The following TMEM72 variants were observed in gnomAD, a reference collection of about 807,000 sequenced individuals.
TMEM72 encodes the protein transmembrane protein 72.
TMEM72 carries 9 observed loss-of-function variants against 16.3 expected under a neutral mutation model. That is an observed-to-expected ratio of 0.55 (90% CI 0.33 to 0.96). TMEM72 has a LOEUF of 0.96. TMEM72 is among the 40% of genes least tolerant of loss of function. TMEM72 has a pLI of 0.03. For missense variants in TMEM72, 324 were observed against 337.8 expected (o/e 0.96, Z 0.32); for synonymous variants, 160 against 146.5 (o/e 1.09, Z -0.66).
At chr10:44,921,406 C>T (rs1432503372) in intron 1 of TMEM72, among the ~76,000 whole-genome samples, 2 of 152,172 alleles carry the variant, frequency 1.3e-5, no homozygotes, top group African/African-American at 4.8e-5. Flanking sequence ...TTCCCTTGCC[C>T]CTCCACCTGG....
intron 1 of TMEM72, among the ~76,000 whole-genome samples, chr10:44,921,104 C>T (rs1343330578): frequency 2.6e-5 from 4 of 152,136 alleles, no homozygotes; most frequent in African/African-American, 9.7e-5. Flanking sequence ...AGTTCTTGTA[C>T]CAAGGTTGGA....
Position 44,934,713 on chromosome 10 carries a change from G to A in TMEM72, c.407G>A (p.Arg136Lys), listed in dbSNP as rs776944239. The change falls in exon 5 of 5, where the codon AGG (arginine) becomes AAG (lysine). Residue 136 changes from arginine (R) to lysine (K), a missense_variant. Transcript: ENST00000389583. ...AYFLLSKRKK[R>K]KAAPEVLASP... ...TTCCTTCTGAGCAAGCGGAAGAAGA[G>A]GAAAGCTGCCCCCGAGGTGCTGGCC... 3.1e-6 allele frequency: 5 copies of A among 1,609,828 alleles called. No homozygotes were observed. In the South Asian group the frequency reaches 3.3e-5, roughly 11 times the overall value.
At chr10:44,928,112 A>G in intron 2 of TMEM72, 125 bp downstream of exon 2, 1 of 1,078,386 alleles carries the variant, frequency 9.3e-7, no homozygotes, top group Non-Finnish European at 1.4e-6. Flanking sequence ...CTCAGGGGTG[A>G]AGGGAGTTGA....
intron 1 of TMEM72, among the ~76,000 whole-genome samples, chr10:44,925,008 G>C (rs921464116): frequency 3.9e-5 from 6 of 152,222 alleles, no homozygotes. Flanking sequence ...CAGGCACTAA[G>C]CCGTGCATTT....
Position 44,935,431 on chromosome 10 carries a change from G to C in TMEM72, c.*297G>C, listed in dbSNP as rs1327140732. On this transcript the variant is annotated 3_prime_UTR_variant, in exon 5 of 5. Transcript: ENST00000389583. ...GACCATCACTGCCACTGCGCACGAG[G>C]CTGCAGGTGCCATTGACTCAGCCCA... The C allele has an allele frequency of 2.9e-6, 1 of 346,514 alleles. No homozygotes were observed. Among genetic ancestry groups the C allele is most frequent in the East Asian group, 4.7e-5 (1 of 21,242 alleles). The allele number at this position is 346,514 out of a possible 1,614,324, so 21.5% of individuals were successfully genotyped here. A position where few individuals can be genotyped will look rare whatever the true frequency, so the allele number is the denominator to read the frequency against.
At chr10:44,927,017 C>G (rs768178624) in intron 1 of TMEM72, among the ~76,000 whole-genome samples, 5 of 152,094 alleles carry the variant, frequency 3.3e-5, no homozygotes, top group Admixed American at 1.3e-4. Flanking sequence ...CCCCAGGCAG[C>G]CAGGGATGAC....
chr10:44,932,009 C>G lies in TMEM72; in HGVS notation c.149C>G (p.Ala50Gly). The G allele has an allele frequency of 6.2e-7, 1 of 1,612,944 alleles. No individual in the cohort carries two copies. Among genetic ancestry groups the G allele is most frequent in the Middle Eastern group, 1.7e-4 (1 of 6,052 alleles). ...GTCTCCACCTGCAGGTTTACAGGAG[C>G]CGCTGTCTCCATATGTGAAGGGGCC... ...SLAFYLLFTG[A>G]AVSICEGAYF... The change falls in exon 3 of 5, where the codon GCC becomes GGC. Residue 50 changes from alanine to glycine, a missense_variant. By Grantham distance (60) the Ala-to-Gly change is moderately conservative. Transcript: ENST00000389583.
chr10:44,926,145 A>G (rs981787087), intron 1 of TMEM72, among the ~76,000 whole-genome samples: 1 of 151,990 alleles, frequency 6.6e-6, no homozygotes, highest in African/African-American at 2.4e-5. Flanking sequence ...ACACTCACAT[A>G]TATACTCACA....
intron 1 of TMEM72, among the ~76,000 whole-genome samples, chr10:44,922,195 G>A (rs1840110862): frequency 6.6e-6 from 1 of 152,204 alleles, no homozygotes; most frequent in South Asian, 2.1e-4. Context: ...AAAACAAGGA[G>A]TGGGCTGTCC....
intron 4 of TMEM72, 29 bp downstream of exon 4, chr10:44,933,805 C>T: frequency 6.3e-7 from 1 of 1,587,844 alleles, no homozygotes; most frequent in Non-Finnish European, 8.6e-7. Context: ...AGATATGCAG[C>T]CCCAGCACAG....
In TMEM72 at chr10:44,935,014, C is replaced by T. The variant is rs17417442; in HGVS notation, c.708C>T (p.Ala236=). The T allele has an allele frequency of 0.41, 662,728 of 1,613,734 alleles. 138,313 individuals are homozygous for T. Among genetic ancestry groups the T allele is most frequent in the Admixed American group, 0.48 (28,483 of 59,964 alleles). ...DNLVRIVPSL[A]EGLDDGDSEP... ...TGGTCCGCATAGTCCCCTCCCTCGCCGAAGGTCTGGATGATGGGGACAGTG... is the reference window on the plus strand; with the variant it reads ...TGGTCCGCATAGTCCCCTCCCTCGCTGAAGGTCTGGATGATGGGGACAGTG... Residue 236 remains alanine (A), a synonymous_variant, in exon 5 of 5, where the codon GCC becomes GCT. Transcript: ENST00000389583.
chr10:44,926,371 C>G (rs1184324590), intron 1 of TMEM72, among the ~76,000 whole-genome samples: 1 of 152,160 alleles, frequency 6.6e-6, no homozygotes, highest in African/African-American at 2.4e-5. Context: ...GTGAACTACA[C>G]AGGCCACTGA....
At chr10:44,920,857 G>A (rs985812244) in intron 1 of TMEM72, among the ~76,000 whole-genome samples, 1 of 152,224 alleles carries the variant, frequency 6.6e-6, no homozygotes, top group African/African-American at 2.4e-5. Context: ...GCAGGACTCA[G>A]CTTTTCTGAT....
intron 1 of TMEM72, 65 bp from the exon 2 acceptor site, chr10:44,927,856 C>G: frequency 1.3e-6 from 2 of 1,560,774 alleles, no homozygotes; most frequent in Non-Finnish European, 1.8e-6. Flanking sequence ...CCAAGGTACC[C>G]TCAACAGGGC....
At chr10:44,931,793 C>T (rs897372765) in intron 2 of TMEM72, 5 of 585,968 alleles carry the variant, frequency 8.5e-6, no homozygotes, top group African/African-American at 7.5e-5. Flanking sequence ...CATCTCTGAA[C>T]CCCAGACCCC....
rs1272783315 is a variant in TMEM72 at position 44,928,052 on chromosome 10, T to C, written c.137+65T>C. Reference sequence around the variant, plus strand: ...CTGCTCAACTCACCCTACATCTGTCTACTCAGAATAACTCAGAGCAGTCCC... The same window carrying C: ...CTGCTCAACTCACCCTACATCTGTCCACTCAGAATAACTCAGAGCAGTCCC... On this transcript the variant is annotated intron_variant, in intron 2 of 4. Transcript: ENST00000389583. The C allele has an allele frequency of 1.9e-6, 3 of 1,566,478 alleles. No homozygotes were observed. In the South Asian group the frequency reaches 3.3e-5, roughly 17 times the overall value.
intron 1 of TMEM72, among the ~76,000 whole-genome samples, chr10:44,926,947 G>T (rs1345254036): frequency 6.6e-6 from 1 of 152,144 alleles, no homozygotes. Flanking sequence ...TCTCTGCCAG[G>T]GAAGAGGAAG....
Position 44,936,542 on chromosome 10 carries a change from G to A in TMEM72, c.*1408G>A, listed in dbSNP as rs1244557959. The A allele has an allele frequency of 6.6e-6, 1 of 152,234 alleles. No homozygotes were observed. Among genetic ancestry groups the A allele is most frequent in the African/African-American group, 2.4e-5 (1 of 41,466 alleles). The allele number at this position is 152,234 out of a possible 1,614,324, so 9.4% of individuals were successfully genotyped here. On this transcript the variant is annotated 3_prime_UTR_variant, in exon 5 of 5. Coordinates refer to ENST00000389583, the MANE Select transcript of TMEM72 (RefSeq NM_001123376.3). ...CAGAGCTCTTCCTGCAGTAGCCCAG[G>A]TCTCACCAAATGACAAATGGCTAAT... is the stretch of plus-strand genomic sequence containing the variant.
intron 1 of TMEM72, among the ~76,000 whole-genome samples, chr10:44,926,068 CACATTCACACAT>C (rs1840184827): frequency 6.6e-6 from 1 of 151,874 alleles, no homozygotes; most frequent in African/African-American, 2.4e-5. Flanking sequence ...TAATCACACT[CACATTCACACAT>C]ACATTCACAC....
Sources: allele counts gnomAD v4.1 joint callset (sites outside exome capture counted in the v4.1 genomes callset), GRCh38; gene constraint gnomAD v4.1.1; transcripts MANE v1.5; gene names NCBI Gene and HGNC (gene_info 2026-07-23, HGNC 2026-07-21).